The following TRAPPC5 variants were observed in gnomAD, a reference collection of about 807,000 sequenced individuals.
TRAPPC5 encodes trafficking protein particle complex subunit 5.
In TRAPPC5, 5 loss-of-function variants were observed where a neutral mutation model predicts 9.8. The ratio of observed to expected loss-of-function variants is 0.51; its 90% confidence interval spans 0.27 to 1.07. The LOEUF is 1.07. Ranked by LOEUF, TRAPPC5 falls within the 50% of genes least tolerant of loss-of-function variation. TRAPPC5 has a pLI of 0.12. For synonymous variants in TRAPPC5, 146 were observed against 140.7 expected, an observed-to-expected ratio of 1.04 and a Z score of -0.26; for missense variants, 243 against 291.5, an observed-to-expected ratio of 0.83 and a Z score of 1.21.
Position 7,682,349 on chromosome 19 carries a change from G to C in TRAPPC5, c.96G>C (p.Leu32=). 1 of 1,561,256 alleles carries C rather than the reference G, an allele frequency of 6.4e-7. No homozygotes were observed. The highest frequency in any genetic ancestry group is 8.7e-7 in the Non-Finnish European group (1 of 1,154,814). The change falls in exon 2 of 2, where the codon CTG becomes CTC. Residue 32 remains leucine (L), a synonymous_variant. Coordinates refer to ENST00000596148, the MANE Select transcript of TRAPPC5 (RefSeq NM_001042462.2). The surrounding 1 kb of genome is among the most constrained non-coding windows in gnomAD (Gnocchi z 8.6). ...TEVSLSAFAL[L]FSELVQHCQS... is the part of the protein sequence containing the mutation. Reference sequence around the variant, plus strand: ...TGAGCCTGAGCGCCTTCGCACTGCTGTTCTCCGAGCTGGTACAGCACTGCC... The same window carrying C: ...TGAGCCTGAGCGCCTTCGCACTGCTCTTCTCCGAGCTGGTACAGCACTGCC...
In TRAPPC5 at chr19:7,686,863, C is replaced by G. The variant is rs2032725064; in HGVS notation, c.*4043C>G. 1 of 152,140 alleles carries G rather than the reference C, an allele frequency of 6.6e-6. No homozygotes were observed. Among genetic ancestry groups the G allele is most frequent in the African/African-American group, 2.4e-5 (1 of 41,360 alleles). The allele number at this position is 152,140 out of a possible 1,614,324, so 9.4% of individuals were successfully genotyped here. A position where few individuals can be genotyped will look rare whatever the true frequency, so the allele number is the denominator to read the frequency against. ...TTTGAGACAGGTTCTCACTGTCGCCCAGGCTGAGAGCAGGGGCACAATCCT... is the reference window on the plus strand; with the variant it reads ...TTTGAGACAGGTTCTCACTGTCGCCGAGGCTGAGAGCAGGGGCACAATCCT... On this transcript the variant is annotated 3_prime_UTR_variant, in exon 2 of 2. Coordinates refer to ENST00000596148, the MANE Select transcript of TRAPPC5 (RefSeq NM_001042462.2).
In TRAPPC5 at chr19:7,682,772, G is replaced by A. The variant is rs376005461; in HGVS notation, c.519G>A (p.Lys173=). The A allele has an allele frequency of 1.2e-5, 20 of 1,610,602 alleles. No individual in the cohort carries two copies. Among genetic ancestry groups the A allele is most frequent in the Admixed American group, 5.0e-5 (3 of 59,684 alleles). ...HWHKGTTLMI[K]FEEAVIARDR... Reference sequence around the variant, plus strand: ...ACAAGGGCACCACGCTCATGATCAAGTTCGAGGAGGCAGTCATCGCTCGAG... The same window carrying A: ...ACAAGGGCACCACGCTCATGATCAAATTCGAGGAGGCAGTCATCGCTCGAG... The change falls in exon 2 of 2, where the codon AAG becomes AAA. Residue 173 remains lysine (K), a synonymous_variant. Transcript: ENST00000596148. This position sits in a 1 kb window ranked among gnomAD's most constrained non-coding sequence, Gnocchi z 8.6.
In TRAPPC5 at chr19:7,682,580, CGAT is replaced by C; in HGVS notation, c.330_332del (p.Asp111del). The C allele has an allele frequency of 6.2e-7, 1 of 1,612,498 alleles. No homozygotes were observed. The highest frequency in any genetic ancestry group is 8.5e-7 in the Non-Finnish European group (1 of 1,179,986). ...AGGCGGACAAGCTGGAGCAGGCCAACGATGACGCGCGCACCTTCTACATCATCG... is the reference window on the plus strand; with the variant it reads ...AGGCGGACAAGCTGGAGCAGGCCAACGACGCGCGCACCTTCTACATCATCG... On this transcript the variant is annotated inframe_deletion, in exon 2 of 2. Coordinates refer to ENST00000596148, the MANE Select transcript of TRAPPC5 (RefSeq NM_001042462.2). The surrounding 1 kb of genome is among the most constrained non-coding windows in gnomAD (Gnocchi z 8.6).
In TRAPPC5 at chr19:7,682,788, A is replaced by G. The variant is rs2032666315; in HGVS notation, c.535A>G (p.Ile179Val). ...TLMIKFEEAV[I>V]ARDRALEGR Reference sequence around the variant, plus strand: ...CATGATCAAGTTCGAGGAGGCAGTCATCGCTCGAGACCGGGCCCTGGAGGG... The same window carrying G: ...CATGATCAAGTTCGAGGAGGCAGTCGTCGCTCGAGACCGGGCCCTGGAGGG... Residue 179 changes from isoleucine to valine, a missense_variant, in exon 2 of 2, where the codon ATC becomes GTC. Coordinates refer to ENST00000596148, the MANE Select transcript of TRAPPC5 (RefSeq NM_001042462.2). This position sits in a 1 kb window ranked among gnomAD's most constrained non-coding sequence, Gnocchi z 8.6. The G allele has an allele frequency of 6.2e-6, 10 of 1,607,638 alleles. No homozygotes were observed. Among genetic ancestry groups the G allele is most frequent in the South Asian group, 1.1e-5 (1 of 90,174 alleles).
chr19:7,686,512 TA>T lies in TRAPPC5; in HGVS notation c.*3694del. The T allele has an allele frequency of 6.7e-6, 1 of 149,204 alleles. No individual in the cohort carries two copies. The highest frequency in any genetic ancestry group is 2.0e-4 in the East Asian group (1 of 4,942). The allele number at this position is 149,204 out of a possible 1,614,324, so 9.2% of individuals were successfully genotyped here. On this transcript the variant is annotated 3_prime_UTR_variant, in exon 2 of 2. Coordinates refer to ENST00000596148, the MANE Select transcript of TRAPPC5 (RefSeq NM_001042462.2). ...GTCATGTGCCCATGGTCACACAGAT[TA>T]ATTATTATTATTATTATTATTTAGA... is the stretch of plus-strand genomic sequence containing the variant.
Position 7,682,662 on chromosome 19 carries a change from C to T in TRAPPC5, c.409C>T (p.Leu137Phe). 1 of 1,613,946 alleles carries T rather than the reference C, an allele frequency of 6.2e-7. No homozygotes were observed. The highest frequency in any genetic ancestry group is 1.6e-4 in the Middle Eastern group (1 of 6,062). ...YISVPKENST[L>F]NCASFTAGIV... Reference sequence around the variant, plus strand: ...CTCCGTGCCCAAGGAGAACAGCACGCTCAACTGCGCCAGCTTCACGGCGGG... The same window carrying T: ...CTCCGTGCCCAAGGAGAACAGCACGTTCAACTGCGCCAGCTTCACGGCGGG... The change falls in exon 2 of 2, where the codon CTC (leucine) becomes TTC (phenylalanine). Residue 137 changes from leucine to phenylalanine, a missense_variant. Leu to Phe is a conservative substitution (Grantham distance 22). Transcript: ENST00000596148. The surrounding 1 kb of genome is among the most constrained non-coding windows in gnomAD (Gnocchi z 8.6).
Position 7,682,588 on chromosome 19 carries a change from C to T in TRAPPC5, c.335C>T (p.Ala112Val), listed in dbSNP as rs534555589. Residue 112 changes from alanine (A) to valine (V), a missense_variant, in exon 2 of 2, where the codon GCG (alanine) becomes GTG (valine). Ala to Val is a moderately conservative substitution (Grantham distance 64). Coordinates refer to ENST00000596148, the MANE Select transcript of TRAPPC5 (RefSeq NM_001042462.2). The surrounding 1 kb of genome is among the most constrained non-coding windows in gnomAD (Gnocchi z 8.6). ...ADKLEQANDD[A>V]RTFYIIEREP... Reference sequence around the variant, plus strand: ...AAGCTGGAGCAGGCCAACGATGACGCGCGCACCTTCTACATCATCGAGCGC... The same window carrying T: ...AAGCTGGAGCAGGCCAACGATGACGTGCGCACCTTCTACATCATCGAGCGC... 6.2e-7 allele frequency: 1 copy of T among 1,612,582 alleles called. No individual in the cohort carries two copies. Among genetic ancestry groups the T allele is most frequent in the Non-Finnish European group, 8.5e-7 (1 of 1,179,988 alleles).
In TRAPPC5 at chr19:7,687,572, T is replaced by A. The variant is rs1568484619; in HGVS notation, c.*4752T>A. 6.6e-6 allele frequency: 1 copy of A among 152,364 alleles called. No individual in the cohort carries two copies. Among genetic ancestry groups the A allele is most frequent in the African/African-American group, 2.4e-5 (1 of 41,438 alleles). The allele number at this position is 152,364 out of a possible 1,614,324, so 9.4% of individuals were successfully genotyped here. A position where few individuals can be genotyped will look rare whatever the true frequency, so the allele number is the denominator to read the frequency against. On this transcript the variant is annotated 3_prime_UTR_variant, in exon 2 of 2. Transcript: ENST00000596148. Reference sequence around the variant, plus strand: ...TACTTCCATGAGTCAACTCACGCCCTCCCGGCCTCAGGGTGATCCACCGCC... The same window carrying A: ...TACTTCCATGAGTCAACTCACGCCCACCCGGCCTCAGGGTGATCCACCGCC...
In TRAPPC5 at chr19:7,681,272, G is replaced by C. The variant is rs1253668501; in HGVS notation, c.-13+394G>C. On this transcript the variant is annotated intron_variant, in intron 1 of 1. Coordinates refer to ENST00000596148, the MANE Select transcript of TRAPPC5 (RefSeq NM_001042462.2). The surrounding 1 kb of genome is among the most constrained non-coding windows in gnomAD (Gnocchi z 8.7). ...TCCCACGCAGACCTCGTTGGGGTCG[G>C]CTTAGCATCCACACACCTCCCCATG... Among the ~76,000 whole-genome samples the C allele has an allele frequency of 6.6e-6, 1 of 151,944 alleles. No homozygotes were observed. Among genetic ancestry groups the C allele is most frequent in the Non-Finnish European group, 1.5e-5 (1 of 67,940 alleles).
At position 7,686,282 on chromosome 19, in the gene TRAPPC5, G is replaced by T; in HGVS notation, c.*3462G>T. The T allele has an allele frequency of 6.6e-6, 1 of 152,564 alleles. No homozygotes were observed. Among genetic ancestry groups the T allele is most frequent in the Non-Finnish European group, 1.5e-5 (1 of 68,232 alleles). The allele number at this position is 152,564 out of a possible 1,614,324, so 9.5% of individuals were successfully genotyped here. ...CTGGGCCCGGGGTTGGGGCAAGGGA[G>T]GATGAAGAGAAAGAAGAGCCTGTGG... On this transcript the variant is annotated 3_prime_UTR_variant, in exon 2 of 2. Coordinates refer to ENST00000596148, the MANE Select transcript of TRAPPC5 (RefSeq NM_001042462.2).
At position 7,682,233 on chromosome 19, in the gene TRAPPC5, T is replaced by C; in HGVS notation, c.-12-9T>C. ...CCCCTGACACCTGCACTTCCTGGTCTCCCCGCAGGGTGGCGGCGGCATGGA... is the reference window on the plus strand; with the variant it reads ...CCCCTGACACCTGCACTTCCTGGTCCCCCCGCAGGGTGGCGGCGGCATGGA... On this transcript the variant is annotated splice_polypyrimidine_tract_variant and intron_variant, in intron 1 of 1. Transcript: ENST00000596148. The surrounding 1 kb of genome is among the most constrained non-coding windows in gnomAD (Gnocchi z 8.6). The C allele has an allele frequency of 7.2e-7, 1 of 1,385,732 alleles. No individual in the cohort carries two copies. The highest frequency in any genetic ancestry group is 9.3e-7 in the Non-Finnish European group (1 of 1,077,492). The allele number at this position is 1,385,732 out of a possible 1,614,324, so 85.8% of individuals were successfully genotyped here. A position where few individuals can be genotyped will look rare whatever the true frequency, so the allele number is the denominator to read the frequency against.
Position 7,683,008 on chromosome 19 carries a change from AC to A in TRAPPC5, c.*190del. 1 of 629,664 alleles carries A rather than the reference AC, an allele frequency of 1.6e-6. No homozygotes were observed. Among genetic ancestry groups the A allele is most frequent in the Non-Finnish European group, 2.7e-6 (1 of 364,504 alleles). The allele number at this position is 629,664 out of a possible 1,614,324, so 39.0% of individuals were successfully genotyped here. A position where few individuals can be genotyped will look rare whatever the true frequency, so the allele number is the denominator to read the frequency against. On this transcript the variant is annotated 3_prime_UTR_variant, in exon 2 of 2. Transcript: ENST00000596148. ...CCATAGGGTTGGGGGGTTGAGTGAG[AC>A]CAGGAGTGGTGGGGAGAAATAAACC... is the stretch of plus-strand genomic sequence containing the variant.
rs1002482388 is a variant in TRAPPC5 at position 7,684,859 on chromosome 19, T to G, written c.*2039T>G. On this transcript the variant is annotated 3_prime_UTR_variant, in exon 2 of 2. Coordinates refer to ENST00000596148, the MANE Select transcript of TRAPPC5 (RefSeq NM_001042462.2). ...CTTGTTAAAAAAATTTTAAAATAAGTGGGGTGCAGTGGTGCACACCTGGAG... is the reference window on the plus strand; with the variant it reads ...CTTGTTAAAAAAATTTTAAAATAAGGGGGGTGCAGTGGTGCACACCTGGAG... 7 of 152,078 alleles carry G rather than the reference T, an allele frequency of 4.6e-5. No individual in the cohort carries two copies. Among genetic ancestry groups the G allele is most frequent in the African/African-American group, 1.7e-4 (7 of 41,406 alleles). The allele number at this position is 152,078 out of a possible 1,614,324, so 9.4% of individuals were successfully genotyped here.
At position 7,687,390 on chromosome 19, in the gene TRAPPC5, G is replaced by A. The variant is rs1027943491; in HGVS notation, c.*4570G>A. ...TCCGGCATGGGTCGACCTTGGCCGAGCGTGAGGCTGGTGCCACCTCAGCCT... is the reference window on the plus strand; with the variant it reads ...TCCGGCATGGGTCGACCTTGGCCGAACGTGAGGCTGGTGCCACCTCAGCCT... On this transcript the variant is annotated 3_prime_UTR_variant, in exon 2 of 2. Coordinates refer to ENST00000596148, the MANE Select transcript of TRAPPC5 (RefSeq NM_001042462.2). The A allele has an allele frequency of 6.6e-6, 1 of 152,310 alleles. No individual in the cohort carries two copies. Among genetic ancestry groups the A allele is most frequent in the Non-Finnish European group, 1.5e-5 (1 of 68,184 alleles). The allele number at this position is 152,310 out of a possible 1,614,324, so 9.4% of individuals were successfully genotyped here.
rs199801399 is a variant in TRAPPC5 at position 7,686,828 on chromosome 19, C to CT, written c.*4010dup. The CT allele has an allele frequency of 0.046, 6,970 of 149,962 alleles. 537 individuals are homozygous for CT. The highest frequency in any genetic ancestry group is 0.16 in the African/African-American group (6,639 of 40,498). The allele number at this position is 149,962 out of a possible 1,614,324, so 9.3% of individuals were successfully genotyped here. A position where few individuals can be genotyped will look rare whatever the true frequency, so the allele number is the denominator to read the frequency against. ...CCTGGCTGGCTTTTTCTCTTTTCTTCTTCTTTTTTTTTGAGACAGGTTCTC... is the reference window on the plus strand; with the variant it reads ...CCTGGCTGGCTTTTTCTCTTTTCTTCTTTCTTTTTTTTTGAGACAGGTTCTC... On this transcript the variant is annotated 3_prime_UTR_variant, in exon 2 of 2. Coordinates refer to ENST00000596148, the MANE Select transcript of TRAPPC5 (RefSeq NM_001042462.2).
Position 7,682,207 on chromosome 19 carries a change from G to A in TRAPPC5, c.-12-35G>A, listed in dbSNP as rs2032647803. 4 of 1,367,158 alleles carry A rather than the reference G, an allele frequency of 2.9e-6. No homozygotes were observed. Among genetic ancestry groups the A allele is most frequent in the Admixed American group, 3.9e-5 (1 of 25,902 alleles). 84.7% of individuals were successfully genotyped at this position (1,367,158 alleles called of 1,614,324 possible). On this transcript the variant is annotated intron_variant, in intron 1 of 1. Transcript: ENST00000596148. The surrounding 1 kb of genome is among the most constrained non-coding windows in gnomAD (Gnocchi z 8.6). ...CTCCCGGCCTGCTCCCCTTCCCATT[G>A]CCCCTGACACCTGCACTTCCTGGTC... is the stretch of plus-strand genomic sequence containing the variant.
In TRAPPC5 at chr19:7,685,326, T is replaced by C. The variant is rs1159563043; in HGVS notation, c.*2506T>C. 1.3e-5 allele frequency: 2 copies of C among 152,184 alleles called. No homozygotes were observed. Among genetic ancestry groups the C allele is most frequent in the African/African-American group, 4.8e-5 (2 of 41,426 alleles). 9.4% of individuals were successfully genotyped at this position (152,184 alleles called of 1,614,324 possible). On this transcript the variant is annotated 3_prime_UTR_variant, in exon 2 of 2. Coordinates refer to ENST00000596148, the MANE Select transcript of TRAPPC5 (RefSeq NM_001042462.2). ...CTCAGGCAATTTTCCTTTCCCTTTT[T>C]GTTCACCACACTTGGTTCCTGATAA...
Position 7,686,831 on chromosome 19 carries a change from C to T in TRAPPC5, c.*4011C>T, listed in dbSNP as rs59784110. On this transcript the variant is annotated 3_prime_UTR_variant, in exon 2 of 2. Transcript: ENST00000596148. Reference sequence around the variant, plus strand: ...GGCTGGCTTTTTCTCTTTTCTTCTTCTTTTTTTTTGAGACAGGTTCTCACT... The same window carrying T: ...GGCTGGCTTTTTCTCTTTTCTTCTTTTTTTTTTTTGAGACAGGTTCTCACT... 0.24 allele frequency: 36,604 copies of T among 149,762 alleles called. 5,915 individuals carry two copies. Among genetic ancestry groups the T allele is most frequent in the African/African-American group, 0.47 (19,126 of 40,568 alleles). The allele number at this position is 149,762 out of a possible 1,614,324, so 9.3% of individuals were successfully genotyped here.
chr19:7,682,361 G>T lies in TRAPPC5; in HGVS notation c.108G>T (p.Leu36=). 6.4e-7 allele frequency: 1 copy of T among 1,565,294 alleles called. No individual in the cohort carries two copies. The highest frequency in any genetic ancestry group is 8.6e-7 in the Non-Finnish European group (1 of 1,156,280). Residue 36 remains leucine, a synonymous_variant, in exon 2 of 2, where the codon CTG becomes CTT. Coordinates refer to ENST00000596148, the MANE Select transcript of TRAPPC5 (RefSeq NM_001042462.2). This position sits in a 1 kb window ranked among gnomAD's most constrained non-coding sequence, Gnocchi z 8.6. ...CCTTCGCACTGCTGTTCTCCGAGCT[G>T]GTACAGCACTGCCAGAGCCGCGTCT... ...LSAFALLFSE[L]VQHCQSRVFS...
Sources: gnomAD v4.1 joint callset for allele counts (sites outside exome capture counted in the v4.1 genomes callset) on GRCh38, gnomAD v4.1.1 for gene constraint, Gnocchi (gnomAD v3.1) non-coding constraint, MANE v1.5 for transcripts, NCBI Gene and HGNC (gene_info 2026-07-23, HGNC 2026-07-21) for gene names.